CIITA: variants seen among roughly 807,000 people sequenced by gnomAD.
The protein encoded by CIITA is MHC class II transactivator.
A neutral mutation model predicts 115.1 loss-of-function variants in CIITA; 72 were observed. That is an observed-to-expected ratio of 0.63 (90% confidence interval 0.52 to 0.76). The LOEUF is 0.76. Ranked by LOEUF, CIITA falls within the 30% of genes least tolerant of loss-of-function variation. The probability of loss-of-function intolerance (pLI) is 0.00; values close to 1 mark genes in which losing one functional copy is unlikely to be tolerated. For missense variants in CIITA, 1,617 were observed against 1,463.8 expected, an observed-to-expected ratio of 1.10 and a Z score of -1.71; for synonymous variants, 763 against 635.6, an observed-to-expected ratio of 1.20 and a Z score of -3.02.
chr16:10,909,036 T>G lies in CIITA; in HGVS notation c.2665T>G (p.Leu889Val), dbSNP rs1240152561. ...GAGGCCCTCCCTCCACAGGGCTGCC[T>G]TGAGCGACACGGTGGCGCTGTGGGA... The part of the protein sequence containing the change: ...LSCVTRFRAA[L>V]SDTVALWESL... Residue 889 changes from leucine (L) to valine (V), a missense_variant, in exon 12 of 20, where the codon TTG (leucine) becomes GTG (valine). Transcript: ENST00000324288. The G allele has an allele frequency of 1.2e-6, 2 of 1,614,148 alleles. No individual in the cohort carries two copies. Among genetic ancestry groups the G allele is most frequent in the Non-Finnish European group, 1.7e-6 (2 of 1,180,002 alleles).
intron 11 of CIITA, 98 bp from the exon 12 acceptor site, chr16:10,908,931 A>G: frequency 1.3e-6 from 2 of 1,565,790 alleles, no homozygotes; most frequent in South Asian, 2.2e-5. Flanking sequence ...CTAAGGAAAG[A>G]AAGTATTTTA....
At chr16:10,891,317 A>G (rs1258422538) in intron 1 of CIITA, among the ~76,000 whole-genome samples, 1 of 152,028 alleles carries the variant, frequency 6.6e-6, no homozygotes, top group Non-Finnish European at 1.5e-5. Flanking sequence ...CCGACAGGCT[A>G]TGAGGTCTTG....
intron 13 of CIITA, among the ~76,000 whole-genome samples, chr16:10,914,797 A>T (rs1211912957): frequency 6.6e-6 from 1 of 152,206 alleles, no homozygotes; most frequent in African/African-American, 2.4e-5. Flanking sequence ...GGAAGGGCCT[A>T]GCATGCCCCT....
chr16:10,938,900 A>G (rs957918114), downstream of CIITA: 1 of 152,240 alleles, frequency 6.6e-6, no homozygotes, highest in African/African-American at 2.4e-5. The surrounding 1 kb of genome is among the most constrained non-coding windows in gnomAD (Gnocchi z 4.9). Context: ...GAATATGCCA[A>G]TGTTTTCATT....
intron 16 of CIITA, among the ~76,000 whole-genome samples, chr16:10,919,644 G>T (rs2040167322): frequency 2.0e-5 from 3 of 152,068 alleles, no homozygotes; most frequent in Admixed American, 2.0e-4. Context: ...AAGTAGCTGG[G>T]TCCTATACCC....
In CIITA at chr16:10,929,414, T is replaced by C. The variant is rs1485027428; in HGVS notation, c.*5559T>C. ...CCATCGATTTGACACTGCAGGCAGA[T>C]GAGGTCTTGGGATGCCTCTTGCGTT... is the stretch of plus-strand genomic sequence containing the variant. On this transcript the variant is annotated 3_prime_UTR_variant, in exon 20 of 20. Coordinates refer to ENST00000324288, the MANE Select transcript of CIITA (RefSeq NM_000246.4). The surrounding 1 kb of genome is among the most constrained non-coding windows in gnomAD (Gnocchi z 4.3). The C allele has an allele frequency of 3.0e-6, 3 of 985,782 alleles. No homozygotes were observed. The highest frequency in any genetic ancestry group is 6.1e-5 in the Admixed American group (1 of 16,270). The allele number at this position is 985,782 out of a possible 1,614,324, so 61.1% of individuals were successfully genotyped here.
At chr16:10,897,889 T>C (rs2038297813) in intron 3 of CIITA, among the ~76,000 whole-genome samples, 1 of 152,170 alleles carries the variant, frequency 6.6e-6, no homozygotes, top group Non-Finnish European at 1.5e-5. Flanking sequence ...TGGCTCCCCA[T>C]TGCTTATAAA....
chr16:10,932,387 A>G lies in CIITA; in HGVS notation c.*8532A>G, dbSNP rs1445565641. Reference sequence around the variant, plus strand: ...ACTCTAGGAGGTAGGGCCAAGTAGGACCATCATCCCTGCATTTCACATGGA... The same window carrying G: ...ACTCTAGGAGGTAGGGCCAAGTAGGGCCATCATCCCTGCATTTCACATGGA... On this transcript the variant is annotated 3_prime_UTR_variant, in exon 20 of 20. Transcript: ENST00000324288. The G allele has an allele frequency of 6.6e-6, 1 of 152,208 alleles. No individual in the cohort carries two copies. The highest frequency in any genetic ancestry group is 2.1e-4 in the South Asian group (1 of 4,830). 9.4% of individuals were successfully genotyped at this position (152,208 alleles called of 1,614,324 possible).
intron 10 of CIITA, 47 bp from the exon 11 acceptor site, chr16:10,906,452 C>T (rs953029793): frequency 2.5e-6 from 4 of 1,603,550 alleles, no homozygotes; most frequent in Middle Eastern, 2.2e-4. Flanking sequence ...TGGCCCTGGC[C>T]CTGCCTCTCA....
At position 10,904,616 on chromosome 16, in the gene CIITA, G is replaced by A. The variant is rs77850059; in HGVS notation, c.938-128G>A. ...TTTGAGTTAGATACAGCCTCAGGCCGCTATCTTATAACCTCCATCTTGGGA... is the reference window on the plus strand; with the variant it reads ...TTTGAGTTAGATACAGCCTCAGGCCACTATCTTATAACCTCCATCTTGGGA... On this transcript the variant is annotated intron_variant, in intron 9 of 19. Coordinates refer to ENST00000324288, the MANE Select transcript of CIITA (RefSeq NM_000246.4). 4.3e-3 allele frequency: 3,854 copies of A among 904,586 alleles called. 14 individuals carry two copies. The highest frequency in any genetic ancestry group is 6.2e-3 in the Non-Finnish European group (3,326 of 540,658). 56.0% of individuals were successfully genotyped at this position (904,586 alleles called of 1,614,324 possible).
In CIITA at chr16:10,908,376, G is replaced by A; in HGVS notation, c.2657+227G>A. ...GGCATTCTCCCAGTCAATATTTGAA[G>A]GCCCGCCATGTGCCAGTCACTGGGG... On this transcript the variant is annotated intron_variant, in intron 11 of 19. Coordinates refer to ENST00000324288, the MANE Select transcript of CIITA (RefSeq NM_000246.4). The A allele has an allele frequency of 7.4e-6, 5 of 675,820 alleles. No homozygotes were observed. The Admixed American group carries it at 1.0e-4, about 14-fold the overall frequency. The allele number at this position is 675,820 out of a possible 1,614,324, so 41.9% of individuals were successfully genotyped here.
In CIITA at chr16:10,892,481, C is replaced by T. The variant is rs181518143; in HGVS notation, c.53-2801C>T. Among the ~76,000 whole-genome samples, 399 of 152,350 alleles carry T rather than the reference C, an allele frequency of 2.6e-3. 2 individuals are homozygous for T. The highest frequency in any genetic ancestry group is 3.4e-3 in the Middle Eastern group (1 of 294). ...TTCCAGCTTCAGGGCCAGCTCTCCT[C>T]TTACCTCCTCCAGGAAGCTCCCTCT... On this transcript the variant is annotated intron_variant, in intron 1 of 19. Transcript: ENST00000324288.
chr16:10,938,019 A>T (rs949048032), downstream of CIITA: 1 of 152,288 alleles, frequency 6.6e-6, no homozygotes, highest in Non-Finnish European at 1.5e-5. The surrounding 1 kb of genome is among the most constrained non-coding windows in gnomAD (Gnocchi z 4.9). Flanking sequence ...ATGCATGAGT[A>T]TAGGTGCAGG....
Position 10,923,215 on chromosome 16 carries a change from TC to T in CIITA, c.3318-7del, listed in dbSNP as rs1167357099. ...TCCTCTAACCTGGCTCTGAGTCCCA[TC>T]CCCCCTTGCAGGATGTGGACGCCCA... On this transcript the variant is annotated splice_polypyrimidine_tract_variant and intron_variant, in intron 18 of 19. Transcript: ENST00000324288. This position sits in a 1 kb window ranked among gnomAD's most constrained non-coding sequence, Gnocchi z 5.2. 1.2e-6 allele frequency: 2 copies of T among 1,611,216 alleles called. No individual in the cohort carries two copies. Among genetic ancestry groups the T allele is most frequent in the African/African-American group, 2.7e-5 (2 of 74,796 alleles).
chr16:10,911,459 T>C (rs2039575818), intron 13 of CIITA, among the ~76,000 whole-genome samples: 1 of 151,088 alleles, frequency 6.6e-6, no homozygotes, highest in African/African-American at 2.4e-5. Flanking sequence ...TTCTTTCCTT[T>C]CTCTCCTTTC....
chr16:10,906,358 T>TCAAAA (rs1328650398), intron 10 of CIITA, 141 bp from the exon 11 acceptor site: 5 of 1,102,540 alleles, frequency 4.5e-6, no homozygotes, highest in Admixed American at 4.0e-5. Context: ...AGACCCTGTC[T>TCAAAA]CAAAACAAAA....
chr16:10,870,566 G>A (rs866110240), intron 1 of CIITA, among the ~76,000 whole-genome samples: 32 of 152,346 alleles, frequency 2.1e-4, no homozygotes, highest in African/African-American at 7.2e-4. Flanking sequence ...GGCCAAAGAA[G>A]GGGGAGCTAG....
In CIITA at chr16:10,923,420, TG is replaced by T; in HGVS notation, c.*22+99del. The T allele has an allele frequency of 1.0e-6, 1 of 971,394 alleles. No individual in the cohort carries two copies. The highest frequency in any genetic ancestry group is 2.3e-4 in the Middle Eastern group (1 of 4,338). 60.2% of individuals were successfully genotyped at this position (971,394 alleles called of 1,614,324 possible). A position where few individuals can be genotyped will look rare whatever the true frequency, so the allele number is the denominator to read the frequency against. Reference sequence around the variant, plus strand: ...TCAAAAAATGTGGGCGGGACACAGGTGGGGCTAGGCCACCACCCTTGGACGC... The same window carrying T: ...TCAAAAAATGTGGGCGGGACACAGGTGGGCTAGGCCACCACCCTTGGACGC... On this transcript the variant is annotated intron_variant, in intron 19 of 19. Coordinates refer to ENST00000324288, the MANE Select transcript of CIITA (RefSeq NM_000246.4). This position sits in a 1 kb window ranked among gnomAD's most constrained non-coding sequence, Gnocchi z 5.2.
At chr16:10,897,335 A>C (rs1363558071) in intron 3 of CIITA, among the ~76,000 whole-genome samples, 1 of 152,066 alleles carries the variant, frequency 6.6e-6, no homozygotes, top group Non-Finnish European at 1.5e-5. Context: ...TCATAAAACC[A>C]CTAGTCTTAC....
Sources: gnomAD v4.1 joint callset for allele counts (sites outside exome capture counted in the v4.1 genomes callset) on GRCh38, gnomAD v4.1.1 for gene constraint, Gnocchi (gnomAD v3.1) non-coding constraint, MANE v1.5 for transcripts, NCBI Gene and HGNC (gene_info 2026-07-23, HGNC 2026-07-21) for gene names.